MED13L: variants seen among roughly 807,000 people sequenced by gnomAD.
The protein encoded by MED13L is mediator of RNA polymerase II transcription subunit 13-like.
In MED13L, 7 loss-of-function variants were observed where a neutral mutation model predicts 220.9. That is an observed-to-expected ratio of 0.03 (90% confidence interval 0.02 to 0.06). The LOEUF (loss-of-function observed/expected upper bound fraction) is 0.06. MED13L is among the 10% of genes least tolerant of loss of function. The pLI is 1.00. For missense variants in MED13L, 1,965 were observed against 2,760.5 expected (o/e 0.71, Z 6.46); for synonymous variants, 1,011 against 1,015.2 (o/e 1.00, Z 0.08).
chr12:116,191,149 GAACAGTAAT>G (rs1881256853), intron 2 of MED13L, among the ~76,000 whole-genome samples: 1 of 151,194 alleles, frequency 6.6e-6, no homozygotes, highest in South Asian at 2.1e-4. Flanking sequence ...TTCAGTCAAG[GAACAGTAAT>G]TTCCAAATAC....
At chr12:116,205,942 G>GTTT (rs11295233) in intron 2 of MED13L, among the ~76,000 whole-genome samples, 5 of 125,288 alleles carry the variant, frequency 4.0e-5, no homozygotes, top group Non-Finnish European at 6.8e-5. Context: ...CTAAAAACTT[G>GTTT]TTTTTTTTTT....
Position 116,212,992 on chromosome 12 carries a change from G to GA in MED13L, c.310+24475dup, listed in dbSNP as rs1403636315. 4.0e-5 allele frequency among the ~76,000 whole-genome samples: 6 copies of GA among 151,852 alleles called. No homozygotes were observed. In the East Asian group the frequency reaches 9.6e-4, roughly 24 times the overall value. On this transcript the variant is annotated intron_variant, in intron 2 of 30. Coordinates refer to ENST00000281928, the MANE Select transcript of MED13L (RefSeq NM_015335.5). ...TGCAATCAGATGGCTAGCCTAAAAA[G>GA]AAAAAAAACTACTACTGTCAATTAC...
intron 2 of MED13L, among the ~76,000 whole-genome samples, chr12:116,127,814 CT>C (rs1395223909): frequency 1.3e-5 from 2 of 152,196 alleles, no homozygotes; most frequent in Non-Finnish European, 2.9e-5. Flanking sequence ...TCGTAGCATC[CT>C]GCCTCTTAAA....
rs1873959461 is a variant in MED13L, at chr12:116,277,337, G to GGTCCGCGGCGGC, written c.-207_-206insGCCGCCGCGGAC. 6.8e-6 allele frequency: 1 copy of GGTCCGCGGCGGC among 146,728 alleles called. No homozygotes were observed. Among genetic ancestry groups the GGTCCGCGGCGGC allele is most frequent in the Non-Finnish European group, 1.5e-5 (1 of 65,658 alleles). 9.1% of individuals were successfully genotyped at this position (146,728 alleles called of 1,614,324 possible). A position where few individuals can be genotyped will look rare whatever the true frequency, so the allele number is the denominator to read the frequency against. On this transcript the variant is annotated 5_prime_UTR_variant, in exon 1 of 31. Transcript: ENST00000281928. ...GGCAGCGGGCCCGGGCTGGCGGGGGGGGCGCGCGCCCCGGGCCGGCGCTGC... is the reference window on the plus strand; with the variant it reads ...GGCAGCGGGCCCGGGCTGGCGGGGGGGTCCGCGGCGGCGGCGCGCGCCCCGGGCCGGCGCTGC...
chr12:116,181,940 G>C (rs1880561088), intron 2 of MED13L, among the ~76,000 whole-genome samples: 1 of 152,116 alleles, frequency 6.6e-6, no homozygotes, highest in African/African-American at 2.4e-5. Context: ...TCTTTTGATT[G>C]CTTGCTTAAA....
In MED13L at chr12:116,271,820, A is replaced by T. The variant is rs957743437; in HGVS notation, c.72+5240T>A. Among the ~76,000 whole-genome samples, 8 of 152,306 alleles carry T rather than the reference A, an allele frequency of 5.3e-5. No homozygotes were observed. The East Asian group carries it at 1.5e-3, about 29-fold the overall frequency. ...TAACAGTAATACCTAATAGTCAACC[A>T]TACTACTAATTCTCATAAAATCTGT... On this transcript the variant is annotated intron_variant, in intron 1 of 30. Coordinates refer to ENST00000281928, the MANE Select transcript of MED13L (RefSeq NM_015335.5).
rs748371589 is a variant in MED13L, at chr12:116,019,403, C to T, written c.830G>A (p.Arg277Gln). Residue 277 changes from arginine (R) to glutamine (Q), a missense_variant, in exon 7 of 31, where the codon CGG becomes CAG. Physicochemically the swap from Arg to Gln is conservative, Grantham distance 43. Around this residue, in one of 10 missense-constraint regions of MED13L, gnomAD observed 818 missense variants for 1,041.2 expected, o/e 0.79. Coordinates refer to ENST00000281928, the MANE Select transcript of MED13L (RefSeq NM_015335.5). ...VAVEVIVGGV[R>Q]MVYPSAFVLI... ...AACAAATGCTGAAGGGTAAACCATC[C>T]GAACACCACCTATAAGCAAAGAGAA... 11 of 1,613,748 alleles carry T rather than the reference C, an allele frequency of 6.8e-6. No homozygotes were observed. The highest frequency in any genetic ancestry group is 2.2e-5 in the East Asian group (1 of 44,866).
chr12:116,225,879 G>A (rs919324561), intron 2 of MED13L, among the ~76,000 whole-genome samples: 7 of 151,820 alleles, frequency 4.6e-5, no homozygotes, highest in South Asian at 2.1e-4. Context: ...CTTCCCCCAC[G>A]TGCTAGCAAA....
chr12:116,276,755 T>C (rs926994148), intron 1 of MED13L: 7 of 1,289,530 alleles, frequency 5.4e-6, no homozygotes, highest in South Asian at 1.5e-5. Context: ...GGGAGTGCGA[T>C]TGCAACAGAG....
intron 4 of MED13L, among the ~76,000 whole-genome samples, chr12:116,069,759 T>C (rs764941278): frequency 1.6e-4 from 24 of 152,200 alleles, no homozygotes; most frequent in Admixed American, 5.2e-4. Context: ...CCTCACGTAA[T>C]GGGTCATTAC....
At chr12:116,239,821 T>A (rs1870454373) in intron 1 of MED13L, among the ~76,000 whole-genome samples, 1 of 152,220 alleles carries the variant, frequency 6.6e-6, no homozygotes, top group Non-Finnish European at 1.5e-5. Context: ...GCCAATTGAA[T>A]AGAACGGTAT....
chr12:116,031,750 GAAAA>G (rs1566020845), intron 4 of MED13L, among the ~76,000 whole-genome samples: 243 of 34,760 alleles, frequency 7.0e-3, no homozygotes, highest in African/African-American at 0.013. Flanking sequence ...GAAAAGAAAA[GAAAA>G]GAAAAGAAGG....
intron 4 of MED13L, among the ~76,000 whole-genome samples, chr12:116,038,744 CAAAAAAAAAAAAAAA>C (rs63703461): frequency 1.2e-4 from 9 of 75,266 alleles, no homozygotes; most frequent in African/African-American, 3.6e-4. Flanking sequence ...GTCAAAAGGC[CAAAAAAAAAAAAAAA>C]AAAAAAAAAA....
At chr12:115,973,874 T>C (rs1332236135) in intron 25 of MED13L, among the ~76,000 whole-genome samples, 1 of 152,178 alleles carries the variant, frequency 6.6e-6, no homozygotes, top group Non-Finnish European at 1.5e-5. Flanking sequence ...ACTTAATACA[T>C]ATGATGTAAT....
intron 4 of MED13L, among the ~76,000 whole-genome samples, chr12:116,078,900 C>T (rs1871021542): frequency 6.6e-6 from 1 of 152,030 alleles, no homozygotes; most frequent in African/African-American, 2.4e-5. Flanking sequence ...TATAAAACTC[C>T]ACTCCATGCA....
chr12:116,054,213 A>AAC (rs58217261), intron 4 of MED13L, among the ~76,000 whole-genome samples: 13,694 of 131,042 alleles, frequency 0.1, 609 homozygotes, highest in Middle Eastern at 0.17. Context: ...CACACACACA[A>AAC]ACACACACAC....
Position 115,982,639 on chromosome 12 carries a change from A to T in MED13L, c.4956-36T>A, listed in dbSNP as rs775299143. 10 of 1,538,612 alleles carry T rather than the reference A, an allele frequency of 6.5e-6. No individual in the cohort carries two copies. The South Asian group carries it at 1.0e-4, about 16-fold the overall frequency. ...AGTCACTTGTGAGATGCACAAAATA[A>T]ATATAAATTACACGAACATGAAAAA... On this transcript the variant is annotated intron_variant, in intron 21 of 30. Transcript: ENST00000281928.
At chr12:116,208,357 T>C (rs951662490) in intron 2 of MED13L, among the ~76,000 whole-genome samples, 2 of 152,146 alleles carry the variant, frequency 1.3e-5, no homozygotes, top group Admixed American at 6.5e-5. Flanking sequence ...GATCGTGCCA[T>C]TGCACTCCAG....
chr12:116,144,881 C>T (rs1565898674), intron 2 of MED13L, among the ~76,000 whole-genome samples: 1 of 152,208 alleles, frequency 6.6e-6, no homozygotes, highest in Non-Finnish European at 1.5e-5. Context: ...TGCTACAACA[C>T]CGCTTCAAGT....
Sources: allele counts gnomAD v4.1 joint callset (sites outside exome capture counted in the v4.1 genomes callset), GRCh38; gene constraint gnomAD v4.1.1; regional missense constraint gnomAD v4.1.1; transcripts MANE v1.5; gene names NCBI Gene and HGNC (gene_info 2026-07-23, HGNC 2026-07-21).